Variants in ZNF440 observed in about 807,000 individuals in gnomAD.
ZNF440 encodes the protein zinc finger protein 440.
Under a neutral mutation model 49.7 loss-of-function variants are expected in ZNF440, and 47 were observed. The ratio of observed to expected loss-of-function variants is 0.95; its 90% CI spans 0.75 to 1.21. ZNF440 has a LOEUF of 1.21. Among genes scored for constraint, ZNF440 ranks in the 50% most tolerant of loss-of-function variants. The pLI is 0.00. For synonymous variants in ZNF440, 255 were observed against 237.7 expected (o/e 1.07, Z -0.67); for missense variants, 703 against 715.0 (o/e 0.98, Z 0.19).
intron 3 of ZNF440, among the ~76,000 whole-genome samples, chr19:11,831,030 G>A (rs1975930474): frequency 6.6e-6 from 1 of 152,246 alleles, no homozygotes; most frequent in Non-Finnish European, 1.5e-5. Context: ...ACTTGAGCCA[G>A]TAAAGGCTGC....
intron 1 of ZNF440, among the ~76,000 whole-genome samples, chr19:11,823,438 T>G (rs1975823482): frequency 6.6e-6 from 1 of 152,192 alleles, no homozygotes; most frequent in Non-Finnish European, 1.5e-5. Context: ...TAGTTTTTCC[T>G]TAATTTTAGT....
Position 11,834,041 on chromosome 19 carries a change from G to C in ZNF440, c.*1077G>C. The C allele has an allele frequency of 4.0e-6, 1 of 251,400 alleles. No individual in the cohort carries two copies. The highest frequency in any genetic ancestry group is 8.1e-6 in the Non-Finnish European group (1 of 123,398). The allele number at this position is 251,400 out of a possible 1,614,324, so 15.6% of individuals were successfully genotyped here. ...ACATTGTGAGTCAGTATAACCATGT[G>C]GATAAAATGCCAGACATCTTTTTAT... is the stretch of plus-strand genomic sequence containing the variant. On this transcript the variant is annotated 3_prime_UTR_variant, in exon 4 of 4. Coordinates refer to ENST00000304060, the MANE Select transcript of ZNF440 (RefSeq NM_152357.3).
chr19:11,832,916 G>A lies in ZNF440; in HGVS notation c.1740G>A (p.Ser580=), dbSNP rs753423614. The change falls in exon 4 of 4, where the codon TCG becomes TCA. Residue 580 remains serine, a synonymous_variant. Coordinates refer to ENST00000304060, the MANE Select transcript of ZNF440 (RefSeq NM_152357.3). ...PMHVRNVGNP[S]DLPRTFEFMK... ...ATGTAAGGAATGTGGGAAACCCTTC[G>A]GATCTGCCCAGAACCTTCGAATTCA... 1.9e-5 allele frequency: 31 copies of A among 1,610,712 alleles called. No individual in the cohort carries two copies. The highest frequency in any genetic ancestry group is 1.3e-4 in the East Asian group (6 of 44,718).
chr19:11,831,716 C>G lies in ZNF440; in HGVS notation c.540C>G (p.Thr180=), dbSNP rs1975942880. 6.2e-7 allele frequency: 1 copy of G among 1,614,038 alleles called. No individual in the cohort carries two copies. Among genetic ancestry groups the G allele is most frequent in the African/African-American group, 1.3e-5 (1 of 75,014 alleles). The change falls in exon 4 of 4, where the codon ACC becomes ACG. Residue 180 remains threonine, a synonymous_variant. Coordinates refer to ENST00000304060, the MANE Select transcript of ZNF440 (RefSeq NM_152357.3). Reference sequence around the variant, plus strand: ...ATGCTTGTAAAGTATGTGGAAAAACCTTTATTTCCCATTCAAGTGTTCGAA... The same window carrying G: ...ATGCTTGTAAAGTATGTGGAAAAACGTTTATTTCCCATTCAAGTGTTCGAA... ...KPNACKVCGK[T]FISHSSVRRH...
chr19:11,814,890 TA>T (rs1192701161), intron 1 of ZNF440, among the ~76,000 whole-genome samples: 2 of 151,606 alleles, frequency 1.3e-5, no homozygotes, highest in Non-Finnish European at 2.9e-5. Context: ...TTTTTCTCCT[TA>T]ACGCAGTTTC....
intron 1 of ZNF440, among the ~76,000 whole-genome samples, chr19:11,819,737 T>G (rs973609483): frequency 6.6e-6 from 1 of 152,208 alleles, no homozygotes; most frequent in Non-Finnish European, 1.5e-5. Context: ...AGGTAGAAGA[T>G]TTCTAGTCAT....
At chr19:11,817,707 C>T (rs1975749847) in intron 1 of ZNF440, 1 of 151,844 alleles carries the variant, frequency 6.6e-6, no homozygotes, top group Non-Finnish European at 1.5e-5. Flanking sequence ...GAAAGAAAGC[C>T]TCTCTTACAG....
rs1194439868 is a variant in ZNF440 at position 11,830,273 on chromosome 19, G to A, written c.4-10G>A. ...CACCCATCTTCTTCTACACATGTGA[G>A]ATGTTTCAGGACCCAGTGGCTTTTA... On this transcript the variant is annotated splice_polypyrimidine_tract_variant and intron_variant, in intron 1 of 3. Transcript: ENST00000304060. The A allele has an allele frequency of 6.2e-7, 1 of 1,614,154 alleles. No homozygotes were observed. Among genetic ancestry groups the A allele is most frequent in the South Asian group, 1.1e-5 (1 of 91,088 alleles).
At position 11,826,143 on chromosome 19, in the gene ZNF440, CA is replaced by C. The variant is rs573400122; in HGVS notation, c.4-4139del. 1.9e-4 allele frequency among the ~76,000 whole-genome samples: 29 copies of C among 152,258 alleles called. No homozygotes were observed. In the South Asian group the frequency reaches 5.4e-3, roughly 28 times the overall value. On this transcript the variant is annotated intron_variant, in intron 1 of 3. Transcript: ENST00000304060. ...CTCATTTTCTTTCATCACTGAATAA[CA>C]TTCTATTGTACGGATGTTACCATAG... is the stretch of plus-strand genomic sequence containing the variant.
chr19:11,816,734 G>C (rs572121357), intron 1 of ZNF440: 3 of 152,326 alleles, frequency 2.0e-5, no homozygotes, highest in African/African-American at 7.2e-5. Flanking sequence ...GGGTTCAAGC[G>C]ATTCTCCTGC....
rs1345534808 is a variant in ZNF440, at chr19:11,830,815, A to G, written c.191+138A>G. The G allele has an allele frequency of 5.9e-6, 7 of 1,188,152 alleles. No homozygotes were observed. The South Asian group carries it at 6.3e-5, about 11-fold the overall frequency. 73.6% of individuals were successfully genotyped at this position (1,188,152 alleles called of 1,614,324 possible). ...TTTAGAATATTTGATCAAAAAACATATATGTAAATGTGACCTAGGCTGTGG... is the reference window on the plus strand; with the variant it reads ...TTTAGAATATTTGATCAAAAAACATGTATGTAAATGTGACCTAGGCTGTGG... On this transcript the variant is annotated intron_variant, in intron 3 of 3. Transcript: ENST00000304060.
At chr19:11,824,999 A>AG (rs1325748803) in intron 1 of ZNF440, among the ~76,000 whole-genome samples, 1 of 151,594 alleles carries the variant, frequency 6.6e-6, no homozygotes, top group Non-Finnish European at 1.5e-5. Flanking sequence ...GAGCCACCGT[A>AG]CCCAGCATAG....
At chr19:11,819,155 G>A (rs1195216952) in intron 1 of ZNF440, among the ~76,000 whole-genome samples, 4 of 151,938 alleles carry the variant, frequency 2.6e-5, no homozygotes, top group Non-Finnish European at 5.9e-5. Context: ...TCTCAATTAT[G>A]AAAAATCATA....
In ZNF440 at chr19:11,834,724, G is replaced by A. The variant is rs997064197; in HGVS notation, c.*1760G>A. On this transcript the variant is annotated 3_prime_UTR_variant, in exon 4 of 4. Transcript: ENST00000304060. ...TTTGTCCTGATTCATCATGGTCACT[G>A]AGGAGCATCGTCTCATATGCCTGGT... 6.6e-5 allele frequency: 10 copies of A among 152,224 alleles called. No individual in the cohort carries two copies. The highest frequency in any genetic ancestry group is 2.2e-4 in the African/African-American group (9 of 41,450). The allele number at this position is 152,224 out of a possible 1,614,324, so 9.4% of individuals were successfully genotyped here. A position where few individuals can be genotyped will look rare whatever the true frequency, so the allele number is the denominator to read the frequency against.
chr19:11,821,846 G>A (rs879462616), intron 1 of ZNF440, among the ~76,000 whole-genome samples: 2 of 152,242 alleles, frequency 1.3e-5, no homozygotes, highest in South Asian at 2.1e-4. Context: ...GTAGGTCAGT[G>A]AGACACAGAA....
intron 1 of ZNF440, among the ~76,000 whole-genome samples, chr19:11,821,129 C>A (rs1352579906): frequency 2.0e-5 from 3 of 152,176 alleles, no homozygotes; most frequent in African/African-American, 7.2e-5. Context: ...TTGGAAACTT[C>A]AAAGGGTGTT....
At chr19:11,828,375 G>A (rs534041866) in intron 1 of ZNF440, among the ~76,000 whole-genome samples, 1 of 151,930 alleles carries the variant, frequency 6.6e-6, no homozygotes, top group Admixed American at 6.6e-5. Context: ...TTTAGAGATG[G>A]AGTTCCACCA....
chr19:11,832,929 A>G lies in ZNF440; in HGVS notation c.1753A>G (p.Thr585Ala), dbSNP rs778225720. ...NVGNPSDLPR[T>A]FEFMKGHKHT is the part of the protein sequence containing the mutation. The stretch of plus-strand genomic sequence containing the variant: ...GGGAAACCCTTCGGATCTGCCCAGA[A>G]CCTTCGAATTCATGAAAGGACACAA... The change falls in exon 4 of 4, where the codon ACC becomes GCC. Residue 585 changes from threonine (T) to alanine (A), a missense_variant. Thr to Ala is a moderately conservative substitution (Grantham distance 58, BLOSUM62 0). Coordinates refer to ENST00000304060, the MANE Select transcript of ZNF440 (RefSeq NM_152357.3). 6 of 1,609,690 alleles carry G rather than the reference A, an allele frequency of 3.7e-6. No homozygotes were observed. Among genetic ancestry groups the G allele is most frequent in the Non-Finnish European group, 5.1e-6 (6 of 1,178,802 alleles).
intron 1 of ZNF440, among the ~76,000 whole-genome samples, chr19:11,820,956 C>T (rs286257): frequency 6.0e-4 from 92 of 152,174 alleles, no homozygotes; most frequent in African/African-American, 1.9e-3. Context: ...GACACAATGC[C>T]GTGTTGGTGG....
Sources: allele counts gnomAD v4.1 joint callset (sites outside exome capture counted in the v4.1 genomes callset), GRCh38; gene constraint gnomAD v4.1.1; transcripts MANE v1.5; gene names NCBI Gene and HGNC (gene_info 2026-07-23, HGNC 2026-07-21).